PTPRM: variants seen among roughly 807,000 people sequenced by gnomAD.
PTPRM encodes protein tyrosine phosphatase receptor type M.
Under a neutral mutation model 186.7 loss-of-function variants are expected in PTPRM, and 47 were observed. The ratio of observed to expected loss-of-function variants is 0.25; its 90% CI spans 0.20 to 0.32. The LOEUF (loss-of-function observed/expected upper bound fraction) is 0.32, where lower values mean the gene tolerates loss of function less well. Among genes scored for constraint, PTPRM ranks in the 10% least tolerant of loss-of-function variants. The pLI, the probability that PTPRM is intolerant of heterozygous loss-of-function variation, is 1.00. For synonymous variants in PTPRM, 668 were observed against 674.9 expected (o/e 0.99, Z 0.16); for missense variants, 1,494 against 1,865.0 (o/e 0.80, Z 3.66).
intron 14 of PTPRM, among the ~76,000 whole-genome samples, chr18:8,165,067 G>T (rs952648923): frequency 1.3e-5 from 2 of 151,708 alleles, no homozygotes; most frequent in Admixed American, 1.3e-4. Flanking sequence ...TACTCGGGAG[G>T]CTGAGGCAGG....
At chr18:7,708,025 A>T (rs7230332) in intron 1 of PTPRM, among the ~76,000 whole-genome samples, 6,579 of 152,236 alleles carry the variant, frequency 0.043, 448 homozygotes, top group African/African-American at 0.14. Context: ...AGAATATGCT[A>T]CTCAAAAGTG....
At chr18:7,704,236 C>T (rs571381107) in intron 1 of PTPRM, among the ~76,000 whole-genome samples, 10 of 152,184 alleles carry the variant, frequency 6.6e-5, no homozygotes, top group East Asian at 5.8e-4. Context: ...GGAATAGTTC[C>T]AGAAGGAATG....
chr18:8,114,509 A>G (rs1433279372), intron 12 of PTPRM, among the ~76,000 whole-genome samples: 1 of 152,074 alleles, frequency 6.6e-6, no homozygotes, highest in Non-Finnish European at 1.5e-5. Context: ...CTGGTCCTTT[A>G]CTTTACCTCC....
intron 14 of PTPRM, among the ~76,000 whole-genome samples, chr18:8,186,325 CA>C (rs5822996): frequency 0.54 from 50,824 of 94,558 alleles, 10,217 homozygotes; most frequent in Middle Eastern, 0.7. Context: ...TACTCCATCT[CA>C]AAAAAAAAAA....
chr18:8,015,011 A>T (rs1427641040), intron 7 of PTPRM, among the ~76,000 whole-genome samples: 3 of 152,160 alleles, frequency 2.0e-5, no homozygotes, highest in African/African-American at 7.2e-5. Context: ...AGTAGAACTT[A>T]TTCTGATAAG....
At chr18:7,993,034 CAT>C (rs1195834691) in intron 7 of PTPRM, among the ~76,000 whole-genome samples, 10 of 151,718 alleles carry the variant, frequency 6.6e-5, no homozygotes, top group African/African-American at 2.4e-4. Context: ...ACATTAATGA[CAT>C]ATCGTAAAAA....
chr18:7,784,921 TGGGGTGAGGGCAAG>T (rs2043027731), intron 2 of PTPRM, among the ~76,000 whole-genome samples: 1 of 151,934 alleles, frequency 6.6e-6, no homozygotes, highest in African/African-American at 2.4e-5. Context: ...TTGGAGGCCA[TGGGGTGAGGGCAAG>T]GGGAAGGCTT....
At chr18:8,208,506 C>G (rs4378676) in intron 14 of PTPRM, among the ~76,000 whole-genome samples, 40,586 of 150,862 alleles carry the variant, frequency 0.27, 5,597 homozygotes, top group Middle Eastern at 0.5. Context: ...AGTAGAGTGG[C>G]CAGGCAAGGC....
intron 1 of PTPRM, among the ~76,000 whole-genome samples, chr18:7,657,461 C>T (rs2038877366): frequency 6.6e-6 from 1 of 152,208 alleles, no homozygotes; most frequent in Non-Finnish European, 1.5e-5. Flanking sequence ...TTAACAGTTT[C>T]TTCCCACTCT....
At chr18:7,953,763 C>A (rs973087629) in intron 6 of PTPRM, among the ~76,000 whole-genome samples, 1 of 152,146 alleles carries the variant, frequency 6.6e-6, no homozygotes, top group African/African-American at 2.4e-5. Context: ...GTGGTGCTAG[C>A]TTCTCTGAGG....
At chr18:8,218,402 C>G (rs1316721301) in intron 14 of PTPRM, among the ~76,000 whole-genome samples, 1 of 152,130 alleles carries the variant, frequency 6.6e-6, no homozygotes, top group Non-Finnish European at 1.5e-5. Context: ...TGTTCTAGGG[C>G]CTTTCTTGCA....
At chr18:7,792,513 C>G (rs2043391012) in intron 2 of PTPRM, among the ~76,000 whole-genome samples, 1 of 152,046 alleles carries the variant, frequency 6.6e-6, no homozygotes, top group Non-Finnish European at 1.5e-5. Context: ...GGGCTCATAC[C>G]CCTTGTTATT....
chr18:7,656,037 G>A (rs183382135), intron 1 of PTPRM, among the ~76,000 whole-genome samples: 1 of 152,228 alleles, frequency 6.6e-6, no homozygotes, highest in East Asian at 1.9e-4. Flanking sequence ...AAACTAAAAA[G>A]AGAATGATCC....
intron 8 of PTPRM, among the ~76,000 whole-genome samples, chr18:8,070,820 A>G (rs1312176682): frequency 2.0e-5 from 3 of 152,234 alleles, no homozygotes; most frequent in Non-Finnish European, 4.4e-5. Flanking sequence ...TAGGAAGACC[A>G]TTAAACGAAT....
At chr18:8,275,738 G>A (rs148342215) in intron 19 of PTPRM, among the ~76,000 whole-genome samples, 14 of 152,248 alleles carry the variant, frequency 9.2e-5, no homozygotes, top group African/African-American at 2.4e-4. Context: ...TTGTGTATGC[G>A]TCAAGATATC....
chr18:7,657,677 G>A (rs1598313360), intron 1 of PTPRM, among the ~76,000 whole-genome samples: 1 of 152,364 alleles, frequency 6.6e-6, no homozygotes, highest in African/African-American at 2.4e-5. Flanking sequence ...CACTGGCCTT[G>A]TGCAGGGCAT....
At chr18:7,603,279 A>G (rs1407987706) in intron 1 of PTPRM, among the ~76,000 whole-genome samples, 1 of 152,232 alleles carries the variant, frequency 6.6e-6, no homozygotes, top group Non-Finnish European at 1.5e-5. Flanking sequence ...TTTATGGTAA[A>G]TAAGTAATTG....
At chr18:7,937,727 A>G (rs866705054) in intron 5 of PTPRM, among the ~76,000 whole-genome samples, 19 of 152,246 alleles carry the variant, frequency 1.2e-4, no homozygotes, top group African/African-American at 4.3e-4. Context: ...GTCTAGGTCT[A>G]TCAGTCACTT....
rs544011690 is a variant in PTPRM, at chr18:7,665,414, G to C, written c.73+97523G>C. Among the ~76,000 whole-genome samples the C allele has an allele frequency of 3.2e-4, 48 of 152,194 alleles. No individual in the cohort carries two copies. The South Asian group carries it at 9.7e-3, about 31-fold the overall frequency. ...AGATATTCAAATTTTCATTTACATA[G>C]ATATATGCATTTTACTTATTACCTC... is the stretch of plus-strand genomic sequence containing the variant. On this transcript the variant is annotated intron_variant, in intron 1 of 32. Transcript: ENST00000580170.
Sources: gnomAD v4.1 joint callset for allele counts (sites outside exome capture counted in the v4.1 genomes callset) on GRCh38, gnomAD v4.1.1 for gene constraint, MANE v1.5 for transcripts, NCBI Gene and HGNC (gene_info 2026-07-23, HGNC 2026-07-21) for gene names.